Variants in HTT observed in about 807,000 individuals in gnomAD.
The protein encoded by HTT is huntington disease protein.
A neutral mutation model predicts 362.3 loss-of-function variants in HTT; 104 were observed. The ratio of observed to expected loss-of-function variants is 0.29; its 90% CI spans 0.24 to 0.34. The LOEUF is 0.34. Ranked by LOEUF, HTT falls within the 10% of genes least tolerant of loss-of-function variation. The probability of loss-of-function intolerance (pLI) is 1.00; values close to 1 mark genes in which losing one functional copy is unlikely to be tolerated. For missense variants in HTT, 3,301 were observed against 3,928.6 expected (o/e 0.84, Z 4.27); for synonymous variants, 1,577 against 1,548.7 (o/e 1.02, Z -0.43).
intron 8 of HTT, among the ~76,000 whole-genome samples, chr4:3,120,073 G>A (rs1715223213): frequency 2.0e-5 from 3 of 152,074 alleles, no homozygotes; most frequent in African/African-American, 7.2e-5. Flanking sequence ...CTGGGATTCA[G>A]GGGTATAGAA....
intron 60 of HTT, among the ~76,000 whole-genome samples, chr4:3,232,606 A>G (rs936725366): frequency 7.2e-5 from 11 of 152,254 alleles, no homozygotes; most frequent in Admixed American, 5.2e-4. Flanking sequence ...AAAGACTCTC[A>G]GCTAAGATGT....
intron 27 of HTT, among the ~76,000 whole-genome samples, chr4:3,156,099 A>G (rs1357701129): frequency 6.6e-6 from 1 of 152,024 alleles, no homozygotes; most frequent in Non-Finnish European, 1.5e-5. Context: ...CTGTCTATAA[A>G]TGAAATTTTG....
At chr4:3,123,227 C>A in intron 10 of HTT, 1 of 289,640 alleles carries the variant, frequency 3.5e-6, no homozygotes. Flanking sequence ...TGTAAAGGGA[C>A]AGAGTGTAAA....
chr4:3,223,936 C>A, intron 55 of HTT, 56 bp from the exon 56 acceptor site: 1 of 1,589,354 alleles, frequency 6.3e-7, no homozygotes, highest in Non-Finnish European at 8.6e-7. Flanking sequence ...TGGTGTTTTT[C>A]ACTTGTAAGA....
Position 3,228,539 on chromosome 4 carries a change from C to A in HTT, c.7849-76C>A, listed in dbSNP as rs1721033268. 1.2e-5 allele frequency: 17 copies of A among 1,478,038 alleles called. No individual in the cohort carries two copies. The highest frequency in any genetic ancestry group is 1.3e-5 in the Non-Finnish European group (14 of 1,104,072). The allele number at this position is 1,478,038 out of a possible 1,614,324, so 91.6% of individuals were successfully genotyped here. A position where few individuals can be genotyped will look rare whatever the true frequency, so the allele number is the denominator to read the frequency against. On this transcript the variant is annotated intron_variant, in intron 57 of 66. Transcript: ENST00000355072. The surrounding 1 kb of genome is among the most constrained non-coding windows in gnomAD (Gnocchi z 4.3). ...GTTAGACGGTAGGCATGTGCTGAGT[C>A]CCAGTGGCCACACCCACCCACCAGG...
chr4:3,229,854 T>G (rs1721166319), intron 59 of HTT, 33 bp from the exon 60 acceptor site: 4 of 1,611,356 alleles, frequency 2.5e-6, no homozygotes, highest in Non-Finnish European at 3.4e-6. Flanking sequence ...AGCGCGATTC[T>G]CCCCTTGCCC....
In HTT at chr4:3,074,733, C is replaced by G; in HGVS notation, c.-93C>G. 7.5e-7 allele frequency: 1 copy of G among 1,329,648 alleles called. No individual in the cohort carries two copies. The allele number at this position is 1,329,648 out of a possible 1,614,324, so 82.4% of individuals were successfully genotyped here. A position where few individuals can be genotyped will look rare whatever the true frequency, so the allele number is the denominator to read the frequency against. ...GCCGCTCAGGTTCTGCTTTTACCTG[C>G]GGCCCAGAGCCCCATTCATTGCCCC... is the stretch of plus-strand genomic sequence containing the variant. On this transcript the variant is annotated 5_prime_UTR_variant, in exon 1 of 67. Coordinates refer to ENST00000355072, the MANE Select transcript of HTT (RefSeq NM_001388492.1).
chr4:3,113,044 C>T lies in HTT; in HGVS notation c.748-2260C>T, dbSNP rs933767957. 1.1e-5 allele frequency: 11 copies of T among 973,420 alleles called. No homozygotes were observed. The African/African-American group carries it at 1.6e-4, about 14-fold the overall frequency. The allele number at this position is 973,420 out of a possible 1,614,324, so 60.3% of individuals were successfully genotyped here. On this transcript the variant is annotated intron_variant, in intron 6 of 66. Coordinates refer to ENST00000355072, the MANE Select transcript of HTT (RefSeq NM_001388492.1). ...CATGCATCTCTTCCCTTTTGAAGTA[C>T]TCTTACAGGTATGTTGTGCATGTGT...
At chr4:3,086,426 T>C (rs1713210959) in intron 1 of HTT, among the ~76,000 whole-genome samples, 1 of 152,144 alleles carries the variant, frequency 6.6e-6, no homozygotes, top group East Asian at 1.9e-4. Flanking sequence ...ATCCCAGTGC[T>C]TTGGGAGGCC....
At chr4:3,156,554 A>G (rs1717158588) in intron 27 of HTT, among the ~76,000 whole-genome samples, 1 of 152,264 alleles carries the variant, frequency 6.6e-6, no homozygotes, top group South Asian at 2.1e-4. Flanking sequence ...TGAATTAAAT[A>G]AACTAAGGAC....
chr4:3,146,243 A>G lies in HTT; in HGVS notation c.3144-554A>G, dbSNP rs566022796. Among the ~76,000 whole-genome samples, 94 of 152,150 alleles carry G rather than the reference A, an allele frequency of 6.2e-4. 2 individuals are homozygous for G. Among genetic ancestry groups the G allele is most frequent in the African/African-American group, 2.2e-3 (91 of 41,508 alleles). On this transcript the variant is annotated intron_variant, in intron 24 of 66. Coordinates refer to ENST00000355072, the MANE Select transcript of HTT (RefSeq NM_001388492.1). ...TGACTTACACTGTCTTTTCTAGGGG[A>G]TTGAGCCCTGGGTAGTCCTGCTTAT...
At position 3,107,385 on chromosome 4, in the gene HTT, G is replaced by T. The variant is rs770715895; in HGVS notation, c.709G>T (p.Ala237Ser). ...GGCTGCAGCTGTTCCCAAAATTATG[G>T]CTTCTTTTGGCAATTTTGCAAATGA... Reference protein sequence around the residue: ...TLAAAVPKIMASFGNFANDNE... With the variant: ...TLAAAVPKIMSSFGNFANDNE... Residue 237 changes from alanine to serine, a missense_variant, in exon 6 of 67, where the codon GCT becomes TCT. Physicochemically the swap from Ala to Ser is moderately conservative, Grantham distance 99. Around this residue, in one of 4 missense-constraint regions of HTT, gnomAD observed 2,316 missense variants for 2,658.5 expected, o/e 0.87. Transcript: ENST00000355072. 21 of 1,614,074 alleles carry T rather than the reference G, an allele frequency of 1.3e-5. No homozygotes were observed. The Admixed American group carries it at 2.7e-4, about 20-fold the overall frequency.
intron 27 of HTT, among the ~76,000 whole-genome samples, chr4:3,155,468 G>A (rs966908282): frequency 1.2e-4 from 18 of 151,298 alleles, no homozygotes; most frequent in African/African-American, 1.7e-4. Context: ...CTCGTGATCC[G>A]TCCACCTCAG....
chr4:3,106,870 C>CA (rs1441173178), intron 5 of HTT, among the ~76,000 whole-genome samples: 1 of 152,220 alleles, frequency 6.6e-6, no homozygotes, highest in Non-Finnish European at 1.5e-5. Context: ...ATCTGTGACT[C>CA]ACTGCTCTGT....
chr4:3,233,384 G>A (rs781567759), intron 61 of HTT, 31 bp downstream of exon 61: 2 of 1,574,032 alleles, frequency 1.3e-6, no homozygotes, highest in East Asian at 4.5e-5. Flanking sequence ...GGCTGGGGCG[G>A]GGGTCTCAGA....
chr4:3,196,141 T>C (rs1719247325), intron 40 of HTT, among the ~76,000 whole-genome samples: 1 of 152,200 alleles, frequency 6.6e-6, no homozygotes, highest in Non-Finnish European at 1.5e-5. Flanking sequence ...GCGAGTGCCA[T>C]GCCTTCTAAA....
At chr4:3,229,377 C>A (rs574409893) in intron 59 of HTT, among the ~76,000 whole-genome samples, 1 of 147,094 alleles carries the variant, frequency 6.8e-6, no homozygotes, top group Non-Finnish European at 1.5e-5. Context: ...CACACACATG[C>A]CACGTGCACA....
At chr4:3,211,147 G>A (rs182303493) in intron 47 of HTT, among the ~76,000 whole-genome samples, 1,596 of 151,612 alleles carry the variant, frequency 0.011, 10 homozygotes, top group Non-Finnish European at 0.015. Flanking sequence ...CAGGTGATCC[G>A]CCCACCTCGG....
intron 28 of HTT, among the ~76,000 whole-genome samples, chr4:3,157,883 C>G (rs541504628): frequency 6.6e-6 from 1 of 152,016 alleles, no homozygotes; most frequent in Non-Finnish European, 1.5e-5. Context: ...TTTTTCTGCA[C>G]TAATTGGCTT....
Sources: gnomAD v4.1 joint callset for allele counts (sites outside exome capture counted in the v4.1 genomes callset) on GRCh38, gnomAD v4.1.1 for gene constraint, gnomAD v4.1.1 regional missense constraint, Gnocchi (gnomAD v3.1) non-coding constraint, MANE v1.5 for transcripts, NCBI Gene and HGNC (gene_info 2026-07-23, HGNC 2026-07-21) for gene names.